Variants in RAB10 observed in about 807,000 individuals in gnomAD.
The protein encoded by RAB10 is RAB10, member RAS oncogene family.
A neutral mutation model predicts 25.7 loss-of-function variants in RAB10; 5 were observed. The observed-to-expected ratio is 0.19, with a 90% CI of 0.10 to 0.41. The LOEUF is 0.41. Among genes scored for constraint, RAB10 ranks in the 10% least tolerant of loss-of-function variants. RAB10 has a pLI of 1.00. For missense variants in RAB10, 103 were observed against 245.8 expected (o/e 0.42, Z 3.89); for synonymous variants, 89 against 86.4 (o/e 1.03, Z -0.16).
At chr2:26,127,803 C>A in intron 4 of RAB10, 47 bp from the exon 5 acceptor site, 1 of 1,406,110 alleles carries the variant, frequency 7.1e-7, no homozygotes, top group Non-Finnish European at 1.0e-6. Context: ...CAGCAGTTGG[C>A]AACCCATGCT....
At chr2:26,041,543 C>CAAAAAAAAAAAA (rs1230627488) in intron 1 of RAB10, among the ~76,000 whole-genome samples, 1 of 44,628 alleles carries the variant, frequency 2.2e-5, no homozygotes, top group African/African-American at 8.5e-5. Flanking sequence ...GACGCTGACT[C>CAAAAAAAAAAAA]AAAAAAAAAA....
chr2:26,040,101 T>C (rs1000265999), intron 1 of RAB10, among the ~76,000 whole-genome samples: 15 of 152,322 alleles, frequency 9.8e-5, no homozygotes, highest in African/African-American at 3.4e-4. Flanking sequence ...AGAAATACTT[T>C]GAATGTAGAC....
At chr2:26,048,111 A>G (rs1380151526) in intron 1 of RAB10, among the ~76,000 whole-genome samples, 1 of 149,048 alleles carries the variant, frequency 6.7e-6, no homozygotes. Flanking sequence ...ATCTTTACCC[A>G]TTGACCGACA....
intron 4 of RAB10, 119 bp downstream of exon 4, chr2:26,127,352 G>T (rs1353248254): frequency 4.0e-6 from 3 of 751,274 alleles, no homozygotes; most frequent in Admixed American, 3.5e-5. Context: ...TTTTTAAAAT[G>T]CTTGTTGGAA....
chr2:26,089,114 T>C (rs1228754519), intron 1 of RAB10, among the ~76,000 whole-genome samples: 1 of 151,922 alleles, frequency 6.6e-6, no homozygotes, highest in Non-Finnish European at 1.5e-5. Context: ...TGCTCAGAAA[T>C]ATATTTATTC....
chr2:26,068,783 T>C (rs1428031843), intron 1 of RAB10, among the ~76,000 whole-genome samples: 3 of 152,232 alleles, frequency 2.0e-5, no homozygotes, highest in African/African-American at 7.2e-5. Flanking sequence ...AGTCATTTCC[T>C]CAGACGTTGT....
intron 1 of RAB10, among the ~76,000 whole-genome samples, chr2:26,097,415 A>G (rs904735477): frequency 2.6e-5 from 4 of 152,028 alleles, no homozygotes; most frequent in African/African-American, 9.7e-5. Context: ...CTGGGATTGC[A>G]AGCATGCCCT....
At chr2:26,078,762 T>TA (rs1666795223) in intron 1 of RAB10, among the ~76,000 whole-genome samples, 2 of 151,986 alleles carry the variant, frequency 1.3e-5, no homozygotes, top group Admixed American at 6.6e-5. Context: ...AAAGCCAGAG[T>TA]AAAAAAAGAA....
At chr2:26,062,534 T>C (rs1214631865) in intron 1 of RAB10, among the ~76,000 whole-genome samples, 1 of 151,826 alleles carries the variant, frequency 6.6e-6, no homozygotes, top group African/African-American at 2.4e-5. Context: ...AAAAATAAGC[T>C]GGACCTGGTG....
chr2:26,122,884 C>G, intron 3 of RAB10, among the ~76,000 whole-genome samples: 1 of 151,848 alleles, frequency 6.6e-6, no homozygotes, highest in East Asian at 1.9e-4. Flanking sequence ...TAAAAGTGTC[C>G]TATTCTCGGG....
At chr2:26,073,003 G>C (rs560066960) in intron 1 of RAB10, among the ~76,000 whole-genome samples, 1 of 152,164 alleles carries the variant, frequency 6.6e-6, no homozygotes, top group South Asian at 2.1e-4. Flanking sequence ...AAAAATTTGA[G>C]AAGCATTGGT....
chr2:26,101,855 A>G (rs1158405712), intron 2 of RAB10: 1 of 152,280 alleles, frequency 6.6e-6, no homozygotes, highest in East Asian at 1.9e-4. Flanking sequence ...GCATGGGCAT[A>G]ATCTTCAAAA....
intron 3 of RAB10, 60 bp from the exon 4 acceptor site, chr2:26,127,084 A>T: frequency 7.8e-7 from 1 of 1,276,946 alleles, no homozygotes; most frequent in Non-Finnish European, 1.1e-6. Context: ...AGTCACTTTT[A>T]AAGACTGTTA....
At chr2:26,058,692 G>T (rs1301834834) in intron 1 of RAB10, among the ~76,000 whole-genome samples, 1 of 152,158 alleles carries the variant, frequency 6.6e-6, no homozygotes, top group Non-Finnish European at 1.5e-5. Flanking sequence ...GGACCTGTGC[G>T]CTTGTTGTTC....
intron 1 of RAB10, among the ~76,000 whole-genome samples, chr2:26,037,257 A>C (rs2149259792): frequency 6.6e-6 from 1 of 152,288 alleles, no homozygotes; most frequent in Middle Eastern, 3.4e-3. Flanking sequence ...ATTTTGGATC[A>C]AGTCTGCTGG....
At chr2:26,049,406 T>TC (rs1666084715) in intron 1 of RAB10, among the ~76,000 whole-genome samples, 1 of 151,420 alleles carries the variant, frequency 6.6e-6, no homozygotes, top group East Asian at 1.9e-4. Flanking sequence ...AAGTTTTTTT[T>TC]CCCTCTTTTT....
intron 1 of RAB10, among the ~76,000 whole-genome samples, chr2:26,070,912 TC>T: frequency 6.6e-6 from 1 of 152,270 alleles, no homozygotes; most frequent in South Asian, 2.1e-4. Flanking sequence ...TCATAATAAT[TC>T]TAAGACATTT....
chr2:26,104,424 G>A (rs891294680), intron 2 of RAB10, among the ~76,000 whole-genome samples: 1 of 152,016 alleles, frequency 6.6e-6, no homozygotes, highest in Non-Finnish European at 1.5e-5. Flanking sequence ...TTTAAGTTTG[G>A]TCATTTGTCC....
At chr2:26,102,858 T>G (rs1667371273) in intron 2 of RAB10, among the ~76,000 whole-genome samples, 2 of 152,224 alleles carry the variant, frequency 1.3e-5, no homozygotes, top group African/African-American at 4.8e-5. Flanking sequence ...GAAGCAGCTT[T>G]GAGTACTGCG....
Sources: allele counts gnomAD v4.1 joint callset (sites outside exome capture counted in the v4.1 genomes callset), GRCh38; gene constraint gnomAD v4.1.1; transcripts MANE v1.5; gene names NCBI Gene and HGNC (gene_info 2026-07-23, HGNC 2026-07-21).